The following SGPP2 variants were observed in gnomAD, a reference collection of about 807,000 sequenced individuals.
SGPP2 encodes the protein sphingosine-1-phosphate phosphatase 2.
A neutral mutation model predicts 33.9 loss-of-function variants in SGPP2; 30 were observed. That is an observed-to-expected ratio of 0.89 (90% CI 0.66 to 1.20). SGPP2 has a LOEUF of 1.20. Ranked by LOEUF, SGPP2 falls within the 50% of genes most tolerant of loss-of-function variation. The pLI is 0.00. For missense variants in SGPP2, 458 were observed against 532.1 expected (o/e 0.86, Z 1.37); for synonymous variants, 233 against 225.0 (o/e 1.04, Z -0.32).
chr2:222,452,395 C>G, intron 1 of SGPP2: 2 of 746,010 alleles, frequency 2.7e-6, no homozygotes, highest in Non-Finnish European at 4.9e-6. Flanking sequence ...CAATTTCACT[C>G]TCCTTCACAG....
chr2:222,500,813 A>G (rs950606182), intron 2 of SGPP2, among the ~76,000 whole-genome samples: 5 of 152,170 alleles, frequency 3.3e-5, no homozygotes. Flanking sequence ...CCTTCCAAGC[A>G]TCTTAACTGG....
intron 1 of SGPP2, among the ~76,000 whole-genome samples, chr2:222,451,936 G>A (rs889857549): frequency 3.9e-5 from 6 of 152,026 alleles, no homozygotes; most frequent in Non-Finnish European, 7.4e-5. Flanking sequence ...CTCATGCATC[G>A]ATGCATTTAA....
Position 222,516,438 on chromosome 2 carries a change from G to A in SGPP2, c.379-5329G>A, listed in dbSNP as rs116121784. On this transcript the variant is annotated intron_variant, in intron 2 of 4. Coordinates refer to ENST00000321276, the MANE Select transcript of SGPP2 (RefSeq NM_152386.4). Reference sequence around the variant, plus strand: ...GTACTTACCTGTTAATGGTAAATTGGGTTGTTTCCAGTTTGGGGCTATTAT... The same window carrying A: ...GTACTTACCTGTTAATGGTAAATTGAGTTGTTTCCAGTTTGGGGCTATTAT... Among the ~76,000 whole-genome samples the A allele has an allele frequency of 5.5e-3, 830 of 152,206 alleles. 5 individuals are homozygous for A. The highest frequency in any genetic ancestry group is 0.019 in the African/African-American group (790 of 41,526).
chr2:222,555,277 A>C (rs1327261394), intron 4 of SGPP2, among the ~76,000 whole-genome samples: 1 of 152,138 alleles, frequency 6.6e-6, no homozygotes, highest in African/African-American at 2.4e-5. Context: ...GTTTGGGCTG[A>C]TTATTAATAA....
chr2:222,558,917 C>A lies in SGPP2; in HGVS notation c.*19C>A, dbSNP rs1190365388. 2.5e-6 allele frequency: 4 copies of A among 1,590,834 alleles called. No individual in the cohort carries two copies. Among genetic ancestry groups the A allele is most frequent in the Non-Finnish European group, 3.4e-6 (4 of 1,161,698 alleles). Reference sequence around the variant, plus strand: ...ACCCTGAGTCTCAAACAGTTGGAAACTAGCCCACTGGACATGAAAGCCAAG... The same window carrying A: ...ACCCTGAGTCTCAAACAGTTGGAAAATAGCCCACTGGACATGAAAGCCAAG... On this transcript the variant is annotated 3_prime_UTR_variant, in exon 5 of 5. Transcript: ENST00000321276.
chr2:222,521,992 A>G (rs1367574625), intron 3 of SGPP2, 46 bp downstream of exon 3: 2 of 1,450,040 alleles, frequency 1.4e-6, no homozygotes, highest in East Asian at 2.6e-5. Flanking sequence ...TGAGGCAGCA[A>G]ATAGAGGCTG....
In SGPP2 at chr2:222,477,963, T is replaced by C. The variant is rs1467310061; in HGVS notation, c.378+3237T>C. Among the ~76,000 whole-genome samples, 1 of 152,142 alleles carries C rather than the reference T, an allele frequency of 6.6e-6. No homozygotes were observed. Among genetic ancestry groups the C allele is most frequent in the African/African-American group, 2.4e-5 (1 of 41,420 alleles). On this transcript the variant is annotated intron_variant, in intron 2 of 4. Transcript: ENST00000321276. This position sits in a 1 kb window ranked among gnomAD's most constrained non-coding sequence, Gnocchi z 6.0. Reference sequence around the variant, plus strand: ...CTGAATCTGCAGTTTGTCCTGAGGTTTGGCCACCTGTTACTTGACTTTTTA... The same window carrying C: ...CTGAATCTGCAGTTTGTCCTGAGGTCTGGCCACCTGTTACTTGACTTTTTA...
chr2:222,535,139 G>A (rs1313697617), intron 4 of SGPP2, among the ~76,000 whole-genome samples: 5 of 150,324 alleles, frequency 3.3e-5, no homozygotes, highest in African/African-American at 4.9e-5. Flanking sequence ...CACTTTGGGA[G>A]GCAAAGGCGG....
intron 1 of SGPP2, among the ~76,000 whole-genome samples, chr2:222,455,323 C>G: frequency 6.6e-6 from 1 of 152,230 alleles, no homozygotes; most frequent in South Asian, 2.1e-4. Context: ...GAGAAGGCAT[C>G]TCTGAACGGA....
intron 2 of SGPP2, among the ~76,000 whole-genome samples, chr2:222,506,774 C>T (rs763968397): frequency 6.6e-6 from 1 of 151,812 alleles, no homozygotes; most frequent in Non-Finnish European, 1.5e-5. Flanking sequence ...ACATAACTAA[C>T]GATCAGATCA....
chr2:222,545,372 C>G (rs957339994), intron 4 of SGPP2, among the ~76,000 whole-genome samples: 1 of 151,590 alleles, frequency 6.6e-6, no homozygotes, highest in Non-Finnish European at 1.5e-5. Context: ...ACCTCCTTCT[C>G]CCAGGTTCAA....
At chr2:222,455,664 C>G (rs1299663499) in intron 1 of SGPP2, among the ~76,000 whole-genome samples, 1 of 152,152 alleles carries the variant, frequency 6.6e-6, no homozygotes, top group African/African-American at 2.4e-5. Flanking sequence ...CTGTACAATA[C>G]CTGACAAGGT....
intron 4 of SGPP2, among the ~76,000 whole-genome samples, chr2:222,532,406 T>C (rs970660500): frequency 1.3e-5 from 2 of 152,206 alleles, no homozygotes; most frequent in Admixed American, 1.3e-4. Flanking sequence ...TCACTCCTTG[T>C]CAGATGTGGT....
chr2:222,472,156 A>G (rs1057194925), intron 1 of SGPP2, among the ~76,000 whole-genome samples: 1 of 152,162 alleles, frequency 6.6e-6, no homozygotes, highest in African/African-American at 2.4e-5. Context: ...TTCGGAGGCA[A>G]GTGATTTTTC....
intron 2 of SGPP2, among the ~76,000 whole-genome samples, chr2:222,511,806 T>C (rs1262673977): frequency 1.3e-5 from 2 of 151,966 alleles, no homozygotes; most frequent in African/African-American, 4.8e-5. Flanking sequence ...GCCTCCTGAG[T>C]AGCTGGGACT....
At chr2:222,516,819 G>T (rs1698609938) in intron 2 of SGPP2, among the ~76,000 whole-genome samples, 1 of 152,136 alleles carries the variant, frequency 6.6e-6, no homozygotes, top group African/African-American at 2.4e-5. Context: ...TATAAATACT[G>T]ACTATTATAG....
intron 2 of SGPP2, among the ~76,000 whole-genome samples, chr2:222,505,121 G>C (rs907431112): frequency 3.9e-5 from 6 of 152,122 alleles, no homozygotes; most frequent in African/African-American, 1.2e-4. Flanking sequence ...GCAAAAATTT[G>C]GATAGTGAGA....
intron 1 of SGPP2, among the ~76,000 whole-genome samples, chr2:222,449,171 C>CTA (rs1697442489): frequency 6.6e-6 from 1 of 152,174 alleles, no homozygotes; most frequent in Admixed American, 6.5e-5. Context: ...CCCTTTCTAC[C>CTA]CATCTGGTCG....
chr2:222,483,301 A>G (rs1241302944), intron 2 of SGPP2, among the ~76,000 whole-genome samples: 1 of 150,574 alleles, frequency 6.6e-6, no homozygotes, highest in East Asian at 2.0e-4. Context: ...GGCAAATATA[A>G]ATTTCATTTT....
Sources: gnomAD v4.1 joint callset for allele counts (sites outside exome capture counted in the v4.1 genomes callset) on GRCh38, gnomAD v4.1.1 for gene constraint, Gnocchi (gnomAD v3.1) non-coding constraint, MANE v1.5 for transcripts, NCBI Gene and HGNC (gene_info 2026-07-23, HGNC 2026-07-21) for gene names.